EVC: variants seen among roughly 807,000 people sequenced by gnomAD.
EVC encodes evC complex member EVC.
Under a neutral mutation model 118.9 loss-of-function variants are expected in EVC, and 116 were observed. The ratio of observed to expected loss-of-function variants is 0.98; its 90% CI spans 0.84 to 1.14. The LOEUF (loss-of-function observed/expected upper bound fraction) is 1.14, where lower values mean the gene tolerates loss of function less well. EVC is among the 50% of genes most tolerant of loss of function. The pLI, the probability that EVC is intolerant of heterozygous loss-of-function variation, is 0.00. For missense variants in EVC, 1,401 were observed against 1,246.4 expected (o/e 1.12, Z -1.87); for synonymous variants, 619 against 534.7 (o/e 1.16, Z -2.18).
At chr4:5,793,790 C>T (rs1214661290) in intron 13 of EVC, 73 bp downstream of exon 13, 8 of 1,199,540 alleles carry the variant, frequency 6.7e-6, no homozygotes, top group Admixed American at 5.9e-5. Context: ...GTGTCCTCAT[C>T]TGTACAGTGG....
At position 5,746,704 on chromosome 4, in the gene EVC, A is replaced by G. The variant is rs1039719817; in HGVS notation, c.939+1363A>G. Among the ~76,000 whole-genome samples, 1 of 152,180 alleles carries G rather than the reference A, an allele frequency of 6.6e-6. No homozygotes were observed. Among genetic ancestry groups the G allele is most frequent in the Middle Eastern group, 3.2e-3 (1 of 316 alleles). ...CTCAGGGACAGGGTTCAGAATTTTC[A>G]TAAGATTCTCCAAAGTATTGGTGAC... On this transcript the variant is annotated intron_variant, in intron 7 of 20. Transcript: ENST00000264956. This position sits in a 1 kb window ranked among gnomAD's most constrained non-coding sequence, Gnocchi z 5.8.
Position 5,756,120 on chromosome 4 carries a change from A to G in EVC, c.1465-144A>G, listed in dbSNP as rs981959900. ...GCTGTGAAAGCCATGTGACAGCCCC[A>G]TGCCTCAGTTTCCTTGTGTGTAATA... On this transcript the variant is annotated intron_variant, in intron 10 of 20. Coordinates refer to ENST00000264956, the MANE Select transcript of EVC (RefSeq NM_153717.3). This position sits in a 1 kb window ranked among gnomAD's most constrained non-coding sequence, Gnocchi z 4.2. 1.6e-5 allele frequency: 11 copies of G among 688,660 alleles called. No individual in the cohort carries two copies. Among genetic ancestry groups the G allele is most frequent in the African/African-American group, 9.0e-5 (5 of 55,434 alleles). The allele number at this position is 688,660 out of a possible 1,614,324, so 42.7% of individuals were successfully genotyped here.
chr4:5,741,998 T>C (rs541316003), intron 6 of EVC, among the ~76,000 whole-genome samples, 184 bp downstream of exon 6: 185 of 152,322 alleles, frequency 1.2e-3, no homozygotes, highest in Non-Finnish European at 2.1e-3. Flanking sequence ...TTATTAAAAT[T>C]TGGAATACTA....
chr4:5,732,245 A>G (rs62298653), intron 4 of EVC, among the ~76,000 whole-genome samples: 8,039 of 147,118 alleles, frequency 0.055, 238 homozygotes, highest in East Asian at 0.13. Flanking sequence ...GGGCTTAAGA[A>G]GCTCAGTCTG....
chr4:5,783,805 T>C (rs1337517273), intron 12 of EVC, 41 bp downstream of exon 12: 6 of 1,546,848 alleles, frequency 3.9e-6, no homozygotes, highest in Admixed American at 1.9e-5. Flanking sequence ...GTCTGCATTT[T>C]AGAAACACAC....
intron 11 of EVC, among the ~76,000 whole-genome samples, chr4:5,764,303 C>G (rs1391847802): frequency 4.4e-5 from 6 of 137,144 alleles, no homozygotes; most frequent in Admixed American, 7.1e-5. Context: ...ATTCGGTTTG[C>G]CAGTATTTTA....
chr4:5,756,418 G>T lies in EVC; in HGVS notation c.1563+56G>T, dbSNP rs776920129. 3 of 1,443,944 alleles carry T rather than the reference G, an allele frequency of 2.1e-6. No individual in the cohort carries two copies. The highest frequency in any genetic ancestry group is 2.9e-6 in the Non-Finnish European group (3 of 1,044,506). 89.4% of individuals were successfully genotyped at this position (1,443,944 alleles called of 1,614,324 possible). On this transcript the variant is annotated intron_variant, in intron 11 of 20. Coordinates refer to ENST00000264956, the MANE Select transcript of EVC (RefSeq NM_153717.3). The surrounding 1 kb of genome is among the most constrained non-coding windows in gnomAD (Gnocchi z 4.2). ...AGCCCCAGGGTCTGTGTGTGTGCGA[G>T]AACCTCACATCCTCCTGGCTGGGGA...
downstream of EVC, among the ~76,000 whole-genome samples, chr4:5,815,397 T>C (rs1230482967): frequency 2.0e-5 from 3 of 152,044 alleles, no homozygotes; most frequent in Non-Finnish European, 4.4e-5. Flanking sequence ...GCATGGGGAA[T>C]TGCAGGAGAG....
chr4:5,798,879 G>A lies in EVC; in HGVS notation c.2304+87G>A, dbSNP rs546995572. ...GCCTGGGTCTGCTCCTTGCCACACC[G>A]TTCATGGAGCTTGTGGCCTAGTAGA... On this transcript the variant is annotated intron_variant, in intron 15 of 20. Transcript: ENST00000264956. The surrounding 1 kb of genome is among the most constrained non-coding windows in gnomAD (Gnocchi z 4.1). The A allele has an allele frequency of 5.7e-5, 79 of 1,376,806 alleles. No homozygotes were observed. The highest frequency in any genetic ancestry group is 6.2e-5 in the Non-Finnish European group (61 of 988,242). The allele number at this position is 1,376,806 out of a possible 1,614,324, so 85.3% of individuals were successfully genotyped here.
At chr4:5,712,123 A>G (rs1348717505) in intron 1 of EVC, among the ~76,000 whole-genome samples, 1 of 152,214 alleles carries the variant, frequency 6.6e-6, no homozygotes, top group African/African-American at 2.4e-5. Context: ...AGAAGGACGA[A>G]TTGCAAGTTT....
chr4:5,821,564 T>G, the EVC span: 6 of 587,034 alleles, frequency 1.0e-5, no homozygotes, highest in African/African-American at 1.1e-4. This position sits in a 1 kb window ranked among gnomAD's most constrained non-coding sequence, Gnocchi z 4.4. Flanking sequence ...AACACAACTG[T>G]GGGGCAAGGA....
In EVC at chr4:5,742,883, T is replaced by C. The variant is rs991416172; in HGVS notation, c.801+1069T>C. On this transcript the variant is annotated intron_variant, in intron 6 of 20. Coordinates refer to ENST00000264956, the MANE Select transcript of EVC (RefSeq NM_153717.3). The surrounding 1 kb of genome is among the most constrained non-coding windows in gnomAD (Gnocchi z 5.2). ...CCAGTGGTGTTAGACAGTAGTGTTT[T>C]AGTGAATGGTGCCACTCCTTGCGGA... Among the ~76,000 whole-genome samples, 1 of 152,214 alleles carries C rather than the reference T, an allele frequency of 6.6e-6. No individual in the cohort carries two copies. The highest frequency in any genetic ancestry group is 2.4e-5 in the African/African-American group (1 of 41,454).
chr4:5,797,174 T>C lies in EVC; in HGVS notation c.2039T>C (p.Leu680Pro). ...CAGGAGCTGCGGGAACAGCGTGCAC[T>C]GGAGCAGGGGTCCTCCCAGTGCCTG... ...LLQELREQRA[L>P]EQGSSQCLDE... Residue 680 changes from leucine (L) to proline (P), a missense_variant, in exon 14 of 21, where the codon CTG becomes CCG. Physicochemically the swap from Leu to Pro is moderately conservative, Grantham distance 98 (BLOSUM62 -3). Coordinates refer to ENST00000264956, the MANE Select transcript of EVC (RefSeq NM_153717.3). 6.2e-7 allele frequency: 1 copy of C among 1,613,454 alleles called. No homozygotes were observed. Among genetic ancestry groups the C allele is most frequent in the Non-Finnish European group, 8.5e-7 (1 of 1,180,022 alleles).
intron 11 of EVC, among the ~76,000 whole-genome samples, chr4:5,775,993 A>G (rs1027185229): frequency 3.9e-5 from 6 of 152,100 alleles, no homozygotes; most frequent in Admixed American, 2.0e-4. Flanking sequence ...TGTGGTTTCT[A>G]CCATTAGCTA....
In EVC at chr4:5,752,178, C is replaced by T. The variant is rs3774865; in HGVS notation, c.1099-658C>T. 3.7e-4 allele frequency among the ~76,000 whole-genome samples: 56 copies of T among 152,178 alleles called. No individual in the cohort carries two copies. The East Asian group carries it at 8.8e-3, about 24-fold the overall frequency. The stretch of plus-strand genomic sequence containing the variant: ...TCTGTGCCGAGGGAGATGCCAACGT[C>T]CGCCGTCCGCTCCTCCTTTCCCCCT... On this transcript the variant is annotated intron_variant, in intron 8 of 20. Coordinates refer to ENST00000264956, the MANE Select transcript of EVC (RefSeq NM_153717.3).
chr4:5,793,723 T>C lies in EVC; in HGVS notation c.1886+6T>C. 6.5e-7 allele frequency: 1 copy of C among 1,544,512 alleles called. No homozygotes were observed. Among genetic ancestry groups the C allele is most frequent in the Non-Finnish European group, 8.8e-7 (1 of 1,142,136 alleles). On this transcript the variant is annotated splice_donor_region_variant and intron_variant, in intron 13 of 20. Coordinates refer to ENST00000264956, the MANE Select transcript of EVC (RefSeq NM_153717.3). ...CTGGGCGGCCTCACTGAAGAGTGAG[T>C]ACAGCTCCCTGAAGGCCCAGGGCTT...
Position 5,811,250 on chromosome 4 carries a change from C to G in EVC, c.*213C>G, listed in dbSNP as rs1224982704. On this transcript the variant is annotated 3_prime_UTR_variant, in exon 21 of 21. Coordinates refer to ENST00000264956, the MANE Select transcript of EVC (RefSeq NM_153717.3). ...AGGCATTCCCGTCTTGGAAACACGT[C>G]TCTGTGAGTTTGCATTTCATTTGGC... 3.7e-6 allele frequency: 2 copies of G among 541,994 alleles called. No individual in the cohort carries two copies. The highest frequency in any genetic ancestry group is 6.4e-5 in the East Asian group (2 of 31,184). The allele number at this position is 541,994 out of a possible 1,614,324, so 33.6% of individuals were successfully genotyped here.
intron 13 of EVC, among the ~76,000 whole-genome samples, chr4:5,795,262 T>C (rs1394659869): frequency 6.6e-6 from 1 of 152,228 alleles, no homozygotes; most frequent in East Asian, 1.9e-4. Flanking sequence ...ATATAACTAT[T>C]TTTTAGTTGC....
chr4:5,825,999 G>A, the EVC span: 20,978 of 354,832 alleles, frequency 0.059, 726 homozygotes, highest in African/African-American at 0.069. The surrounding 1 kb of genome is among the most constrained non-coding windows in gnomAD (Gnocchi z 4.4). Context: ...TAGCATACAC[G>A]CGTGAACACG....
Sources: allele counts gnomAD v4.1 joint callset (sites outside exome capture counted in the v4.1 genomes callset), GRCh38; gene constraint gnomAD v4.1.1; non-coding constraint Gnocchi (gnomAD v3.1); transcripts MANE v1.5; gene names NCBI Gene and HGNC (gene_info 2026-07-23, HGNC 2026-07-21).